Variants in ATG7 observed in about 807,000 individuals in gnomAD.
ATG7 encodes the protein ubiquitin-like modifier-activating enzyme ATG7.
A neutral mutation model predicts 82.4 loss-of-function variants in ATG7; 70 were observed. That is an observed-to-expected ratio of 0.85 (90% CI 0.70 to 1.04). The LOEUF (loss-of-function observed/expected upper bound fraction) is 1.04. Ranked by LOEUF, ATG7 falls within the 50% of genes least tolerant of loss-of-function variation. ATG7 has a pLI of 0.00. For missense variants in ATG7, 792 were observed against 864.3 expected (o/e 0.92, Z 1.05); for synonymous variants, 287 against 313.0 (o/e 0.92, Z 0.88).
chr3:11,435,562 G>A (rs1264364924), intron 20 of ATG7, among the ~76,000 whole-genome samples: 2 of 152,114 alleles, frequency 1.3e-5, no homozygotes, highest in Admixed American at 1.3e-4. Context: ...TACTCATAAA[G>A]TGTATGAGTA....
intron 20 of ATG7, among the ~76,000 whole-genome samples, chr3:11,524,716 G>GT (rs1160758017): frequency 1.3e-5 from 2 of 152,186 alleles, no homozygotes; most frequent in Non-Finnish European, 2.9e-5. Context: ...GAGCCCACAA[G>GT]TTGGAGGCTG....
the ATG7 span, among the ~76,000 whole-genome samples, chr3:11,566,408 C>T: frequency 6.6e-6 from 1 of 152,228 alleles, no homozygotes; most frequent in African/African-American, 2.4e-5. Flanking sequence ...CAACTACCAA[C>T]CTTATTCAGA....
intron 18 of ATG7, among the ~76,000 whole-genome samples, chr3:11,367,715 A>C (rs2076719969): frequency 6.6e-6 from 1 of 151,974 alleles, no homozygotes; most frequent in Non-Finnish European, 1.5e-5. Context: ...ATTGAATTTG[A>C]AAACCATAAA....
At chr3:11,306,660 G>A (rs1947795609) in intron 5 of ATG7, among the ~76,000 whole-genome samples, 1 of 152,134 alleles carries the variant, frequency 6.6e-6, no homozygotes, top group Non-Finnish European at 1.5e-5. Context: ...GGTTAAAGGT[G>A]GGAAAGAAGA....
chr3:11,329,181 A>G (rs1301497760), intron 9 of ATG7, among the ~76,000 whole-genome samples: 1 of 152,238 alleles, frequency 6.6e-6, no homozygotes, highest in Non-Finnish European at 1.5e-5. Context: ...AAATATATTT[A>G]TGCAAAGAAT....
At chr3:11,458,704 A>G (rs564449942) in intron 20 of ATG7, among the ~76,000 whole-genome samples, 95 of 152,358 alleles carry the variant, frequency 6.2e-4, no homozygotes, top group Middle Eastern at 3.4e-3. Context: ...TATGAAAATA[A>G]ACGCACAGGA....
chr3:11,559,006 G>A (rs1390840159), downstream of ATG7, among the ~76,000 whole-genome samples: 1 of 152,214 alleles, frequency 6.6e-6, no homozygotes, highest in African/African-American at 2.4e-5. Flanking sequence ...TCACTTTTCT[G>A]TAAAATGGTG....
In ATG7 at chr3:11,303,156, G is replaced by A. The variant is rs2152698466; in HGVS notation, c.215+3740G>A. On this transcript the variant is annotated intron_variant, in intron 5 of 20. Coordinates refer to ENST00000693202, the MANE Select transcript of ATG7 (RefSeq NM_001349232.2). ...AAGACAGCCAAGGTGCAAACAGGTG[G>A]AAGAGACACACTTAGTCTCTTAAAG... Among the ~76,000 whole-genome samples, 2 of 152,290 alleles carry A rather than the reference G, an allele frequency of 1.3e-5. 1 individual carries two copies. Among genetic ancestry groups the A allele is most frequent in the South Asian group, 4.1e-4 (2 of 4,832 alleles).
At chr3:11,401,379 C>T (rs1460232550) in intron 19 of ATG7, among the ~76,000 whole-genome samples, 1 of 152,066 alleles carries the variant, frequency 6.6e-6, no homozygotes, top group Non-Finnish European at 1.5e-5. Flanking sequence ...TTTGGTTTGG[C>T]TTATGTCAGT....
At chr3:11,455,422 T>TC (rs1053712069) in intron 20 of ATG7, among the ~76,000 whole-genome samples, 96 of 152,302 alleles carry the variant, frequency 6.3e-4, no homozygotes, top group African/African-American at 2.2e-3. Context: ...CCTGTTCTGC[T>TC]TTTGCTGGTC....
At chr3:11,363,209 C>A in intron 17 of ATG7, 1 of 233,970 alleles carries the variant, frequency 4.3e-6, no homozygotes, top group East Asian at 1.0e-4. Context: ...AGGCACTGTT[C>A]TAAGCACCTT....
intron 19 of ATG7, among the ~76,000 whole-genome samples, chr3:11,422,780 TCTCA>T (rs1370293242): frequency 1.8e-5 from 2 of 110,514 alleles, no homozygotes; most frequent in Admixed American, 2.8e-4. Flanking sequence ...GGAGACAGAG[TCTCA>T]CTCCGTTGCC....
chr3:11,419,036 T>C (rs1483508098), intron 19 of ATG7, among the ~76,000 whole-genome samples: 1 of 152,148 alleles, frequency 6.6e-6, no homozygotes, highest in African/African-American at 2.4e-5. Flanking sequence ...AGATGAGATT[T>C]AGTGGGGACA....
chr3:11,309,283 C>T (rs1948256443), intron 7 of ATG7, among the ~76,000 whole-genome samples: 3 of 152,162 alleles, frequency 2.0e-5, no homozygotes, highest in African/African-American at 7.2e-5. Context: ...GCAGTAATTG[C>T]ATAGTTTATA....
At chr3:11,396,201 C>T (rs1376162927) in intron 19 of ATG7, among the ~76,000 whole-genome samples, 1 of 151,716 alleles carries the variant, frequency 6.6e-6, no homozygotes, top group African/African-American at 2.4e-5. Flanking sequence ...AATCCCAGCA[C>T]TTTTGGAGGC....
At chr3:11,560,412 G>A (rs769027407), downstream of ATG7, among the ~76,000 whole-genome samples, 50 of 152,220 alleles carry the variant, frequency 3.3e-4, no homozygotes, top group Non-Finnish European at 2.9e-5. Context: ...CAAGGAGCTG[G>A]TTGAAATCAC....
intron 20 of ATG7, among the ~76,000 whole-genome samples, chr3:11,438,653 C>CT (rs1253689049): frequency 1.3e-5 from 2 of 152,078 alleles, no homozygotes; most frequent in African/African-American, 4.8e-5. Context: ...GTTATCTGAC[C>CT]TGGCCAGAAG....
intron 20 of ATG7, among the ~76,000 whole-genome samples, chr3:11,534,364 C>G (rs895930453): frequency 2.6e-5 from 4 of 152,236 alleles, no homozygotes; most frequent in African/African-American, 9.6e-5. Context: ...TAAAGAAGGG[C>G]ATGATGGGCG....
At chr3:11,351,366 A>T (rs2075529819) in intron 14 of ATG7, among the ~76,000 whole-genome samples, 1 of 152,148 alleles carries the variant, frequency 6.6e-6, no homozygotes, top group Admixed American at 6.6e-5. Context: ...GAGAAAACAA[A>T]CCCCTGAAGG....
Sources: gnomAD v4.1 joint callset for allele counts (sites outside exome capture counted in the v4.1 genomes callset) on GRCh38, gnomAD v4.1.1 for gene constraint, MANE v1.5 for transcripts, NCBI Gene and HGNC (gene_info 2026-07-23, HGNC 2026-07-21) for gene names.